Variants in C9orf85 observed in about 807,000 individuals in gnomAD.
The protein encoded by C9orf85 is chromosome 9 open reading frame 85.
A neutral mutation model predicts 14.9 loss-of-function variants in C9orf85; 16 were observed. The observed-to-expected ratio is 1.08, with a 90% CI of 0.73 to 1.63. The LOEUF (loss-of-function observed/expected upper bound fraction) is 1.63. Among genes scored for constraint, C9orf85 ranks in the 40% most tolerant of loss-of-function variants. C9orf85 has a pLI of 0.00. For missense variants in C9orf85, 172 were observed against 186.1 expected (o/e 0.92, Z 0.44); for synonymous variants, 45 against 56.8 (o/e 0.79, Z 0.93).
chr9:71,972,868 G>C lies in C9orf85; in HGVS notation c.*26G>C. On this transcript the variant is annotated 3_prime_UTR_variant, in exon 4 of 4. Transcript: ENST00000334731. ...TATCACTGTATTAAAAGTCTGCCGGGCACAGTGGCTCACGCCTGTAATCCC... is the reference window on the plus strand; with the variant it reads ...TATCACTGTATTAAAAGTCTGCCGGCCACAGTGGCTCACGCCTGTAATCCC... 5 of 1,577,042 alleles carry C rather than the reference G, an allele frequency of 3.2e-6. No individual in the cohort carries two copies. The highest frequency in any genetic ancestry group is 4.3e-6 in the Non-Finnish European group (5 of 1,159,372).
chr9:71,977,746 G>A (rs1375826039), downstream of C9orf85, among the ~76,000 whole-genome samples: 1 of 152,074 alleles, frequency 6.6e-6, no homozygotes, highest in African/African-American at 2.4e-5. Context: ...TTGTGGCATA[G>A]AATTTTTTTC....
intron 1 of C9orf85, among the ~76,000 whole-genome samples, chr9:71,922,884 C>G (rs1039161919): frequency 3.3e-5 from 5 of 152,210 alleles, no homozygotes; most frequent in African/African-American, 9.6e-5. Context: ...AATCCCAGCA[C>G]TTTGGGAGGC....
At chr9:71,960,613 C>T (rs1822487072) in intron 2 of C9orf85, among the ~76,000 whole-genome samples, 1 of 152,154 alleles carries the variant, frequency 6.6e-6, no homozygotes, top group Non-Finnish European at 1.5e-5. Context: ...CTCTCTGTCA[C>T]CCAGGCTGGA....
intron 1 of C9orf85, among the ~76,000 whole-genome samples, chr9:71,928,267 A>G (rs993369577): frequency 1.3e-5 from 2 of 151,094 alleles, no homozygotes; most frequent in African/African-American, 4.9e-5. Context: ...CCCTGTATCT[A>G]TATGCCTCCT....
At chr9:71,963,509 C>T (rs899811186) in intron 2 of C9orf85, among the ~76,000 whole-genome samples, 7 of 152,202 alleles carry the variant, frequency 4.6e-5, no homozygotes, top group Non-Finnish European at 1.0e-4. Context: ...AGTCTGGAGC[C>T]AGCTCCCGCA....
rs58238164 is a variant in C9orf85, at chr9:71,928,186, C to CAAAAAAA, written c.102+16373_102+16379dup. 2.5e-3 allele frequency among the ~76,000 whole-genome samples: 182 copies of CAAAAAAA among 74,276 alleles called. 8 individuals are homozygous for CAAAAAAA. The highest frequency in any genetic ancestry group is 6.1e-3 in the African/African-American group (110 of 17,902). The allele number at this position is 74,276 out of a possible 152,430, so 48.7% of individuals were successfully genotyped here. On this transcript the variant is annotated intron_variant, in intron 1 of 3. Transcript: ENST00000334731. Reference sequence around the variant, plus strand: ...TGGGCAACAGAATGAGGCTCTGTCTCAAAAAAAAAAAAAAAAAAAAAAAAA... The same window carrying CAAAAAAA: ...TGGGCAACAGAATGAGGCTCTGTCTCAAAAAAAAAAAAAAAAAAAAAAAAAAAAAAAA...
intron 1 of C9orf85, among the ~76,000 whole-genome samples, chr9:71,943,711 T>C (rs1024047069): frequency 1.3e-5 from 2 of 151,754 alleles, no homozygotes; most frequent in Non-Finnish European, 2.9e-5. Context: ...CCGGCTAATT[T>C]TGTACTTTTA....
At chr9:71,937,840 A>G (rs936034506) in intron 1 of C9orf85, among the ~76,000 whole-genome samples, 2 of 152,182 alleles carry the variant, frequency 1.3e-5, no homozygotes, top group African/African-American at 4.8e-5. Flanking sequence ...TTTTTAGGGT[A>G]ATAAATTTGC....
intron 2 of C9orf85, among the ~76,000 whole-genome samples, chr9:71,964,784 C>G (rs1822643198): frequency 6.6e-6 from 1 of 152,162 alleles, no homozygotes; most frequent in African/African-American, 2.4e-5. Context: ...CTCACGGATT[C>G]CAAGGAATGA....
chr9:71,973,919 ATTTAT>A (rs139820783), downstream of C9orf85, among the ~76,000 whole-genome samples: 296 of 99,646 alleles, frequency 3.0e-3, no homozygotes, highest in African/African-American at 0.011. Context: ...CTTTAATTTT[ATTTAT>A]TTTATTAATT....
chr9:71,962,854 G>C (rs966413804), intron 2 of C9orf85, among the ~76,000 whole-genome samples: 3 of 152,124 alleles, frequency 2.0e-5, no homozygotes, highest in African/African-American at 7.2e-5. Flanking sequence ...TCAGGAGTTC[G>C]AGACCAGCCC....
intron 2 of C9orf85, among the ~76,000 whole-genome samples, chr9:71,947,616 C>A (rs1466029196): frequency 6.6e-6 from 1 of 151,650 alleles, no homozygotes; most frequent in Non-Finnish European, 1.5e-5. Context: ...TGTTTCTGAT[C>A]CTGCCATCCC....
intron 2 of C9orf85, among the ~76,000 whole-genome samples, chr9:71,949,984 T>G (rs1822204304): frequency 6.6e-6 from 1 of 152,156 alleles, no homozygotes; most frequent in Non-Finnish European, 1.5e-5. Context: ...AAATACTCAG[T>G]ATGCCAAAGC....
intron 1 of C9orf85, among the ~76,000 whole-genome samples, chr9:71,929,753 A>G (rs1349014923): frequency 6.6e-6 from 1 of 151,506 alleles, no homozygotes; most frequent in Non-Finnish European, 1.5e-5. Flanking sequence ...CACTGTACCA[A>G]TGAAAATGTG....
intron 1 of C9orf85, among the ~76,000 whole-genome samples, chr9:71,913,088 G>A (rs1827556607): frequency 6.6e-6 from 1 of 152,090 alleles, no homozygotes; most frequent in Non-Finnish European, 1.5e-5. Context: ...ATTTCTCTGA[G>A]CCTTACTTTG....
rs545716412 is a variant in C9orf85 at position 71,961,038 on chromosome 9, G to A, written c.210-10467G>A. 1.0e-4 allele frequency among the ~76,000 whole-genome samples: 15 copies of A among 147,858 alleles called. No homozygotes were observed. The South Asian group carries it at 2.8e-3, about 28-fold the overall frequency. On this transcript the variant is annotated intron_variant, in intron 2 of 3. Transcript: ENST00000334731. Reference sequence around the variant, plus strand: ...AGTGATTCTCCTGCCTCAGCCTCCCGAGTACCTGGGATTACAGGCATGCGC... The same window carrying A: ...AGTGATTCTCCTGCCTCAGCCTCCCAAGTACCTGGGATTACAGGCATGCGC...
At chr9:71,921,958 T>A (rs551236184) in intron 1 of C9orf85, among the ~76,000 whole-genome samples, 1,232 of 93,518 alleles carry the variant, frequency 0.013, 16 homozygotes, top group African/African-American at 0.05. Context: ...TATTATTATT[T>A]TGAAACAGAG....
intron 2 of C9orf85, among the ~76,000 whole-genome samples, chr9:71,958,049 C>T (rs1242625287): frequency 6.6e-6 from 1 of 151,594 alleles, no homozygotes; most frequent in African/African-American, 2.4e-5. Flanking sequence ...CAGTTAAGTC[C>T]CTTAAAACTA....
At chr9:71,921,576 TCTTC>T (rs1827808278) in intron 1 of C9orf85, among the ~76,000 whole-genome samples, 2 of 152,220 alleles carry the variant, frequency 1.3e-5, no homozygotes, top group African/African-American at 4.8e-5. Context: ...GTAACTTCTG[TCTTC>T]CTAAAATGTA....
Sources: gnomAD v4.1 joint callset for allele counts (sites outside exome capture counted in the v4.1 genomes callset) on GRCh38, gnomAD v4.1.1 for gene constraint, MANE v1.5 for transcripts, NCBI Gene and HGNC (gene_info 2026-07-23, HGNC 2026-07-21) for gene names.